The following MACF1 variants were observed in gnomAD, a reference collection of about 807,000 sequenced individuals.
The protein encoded by MACF1 is microtubule-actin cross-linking factor 1.
Under a neutral mutation model 854.8 loss-of-function variants are expected in MACF1, and 193 were observed. That is an observed-to-expected ratio of 0.23 (90% CI 0.20 to 0.25). The LOEUF (loss-of-function observed/expected upper bound fraction) is 0.25, where lower values mean the gene tolerates loss of function less well. Ranked by LOEUF, MACF1 falls within the 10% of genes least tolerant of loss-of-function variation. MACF1 has a pLI of 1.00. For synonymous variants in MACF1, 3,185 were observed against 3,226.7 expected, an observed-to-expected ratio of 0.99 and a Z score of 0.44; for missense variants, 7,722 against 8,929.1, an observed-to-expected ratio of 0.86 and a Z score of 5.45.
chr1:39,120,024 C>T (rs965050604), intron 2 of MACF1, among the ~76,000 whole-genome samples: 1 of 151,912 alleles, frequency 6.6e-6, no homozygotes, highest in African/African-American at 2.4e-5. Flanking sequence ...GCTGGGATTA[C>T]AGACATGCGG....
chr1:39,338,015 C>T (rs1426195940), intron 38 of MACF1, among the ~76,000 whole-genome samples: 1 of 152,072 alleles, frequency 6.6e-6, no homozygotes, highest in Non-Finnish European at 1.5e-5. Flanking sequence ...GTGATCTGCC[C>T]TCCTCGGCCT....
chr1:39,409,635 A>T lies in MACF1; in HGVS notation c.15817-12739A>T, dbSNP rs555734418. On this transcript the variant is annotated intron_variant, in intron 58 of 100. Coordinates refer to ENST00000564288, the MANE Select transcript of MACF1 (RefSeq NM_001394062.1). The surrounding 1 kb of genome is among the most constrained non-coding windows in gnomAD (Gnocchi z 4.2). The stretch of plus-strand genomic sequence containing the variant: ...AACAATGCCATGATGTTTTGGAGAC[A>T]GGAAGCCCCAAGCTGGCCCCGAATG... 1 of 152,296 alleles carries T rather than the reference A, an allele frequency of 6.6e-6. No homozygotes were observed. Among genetic ancestry groups the T allele is most frequent in the Non-Finnish European group, 1.5e-5 (1 of 68,080 alleles). The allele number at this position is 152,296 out of a possible 1,614,324, so 9.4% of individuals were successfully genotyped here. A position where few individuals can be genotyped will look rare whatever the true frequency, so the allele number is the denominator to read the frequency against.
chr1:39,175,553 A>G (rs1644011532), intron 2 of MACF1, among the ~76,000 whole-genome samples: 1 of 152,082 alleles, frequency 6.6e-6, no homozygotes, highest in Non-Finnish European at 1.5e-5. Context: ...TGTACTGTTT[A>G]TTTTTCTCTT....
intron 2 of MACF1, among the ~76,000 whole-genome samples, chr1:39,153,828 A>G (rs1046982555): frequency 6.6e-6 from 1 of 152,216 alleles, no homozygotes; most frequent in African/African-American, 2.4e-5. Flanking sequence ...CCAGCAGACC[A>G]GAAGGACAAG....
At position 39,372,617 on chromosome 1, in the gene MACF1, A is replaced by C. The variant is rs762421300; in HGVS notation, c.13213+21A>C. On this transcript the variant is annotated intron_variant, in intron 52 of 100. Transcript: ENST00000564288. ...GACAGGTGAGTACAGGCTCTTCAAA[A>C]TATAGTGAATAAAAATTGCTCTTTG... 2.7e-6 allele frequency: 4 copies of C among 1,494,428 alleles called. No homozygotes were observed. In the Admixed American group the frequency reaches 6.8e-5, roughly 25 times the overall value. 92.6% of individuals were successfully genotyped at this position (1,494,428 alleles called of 1,614,324 possible). A position where few individuals can be genotyped will look rare whatever the true frequency, so the allele number is the denominator to read the frequency against.
intron 97 of MACF1, among the ~76,000 whole-genome samples, chr1:39,474,757 C>T (rs187793123): frequency 8.1e-4 from 123 of 152,180 alleles, no homozygotes; most frequent in Non-Finnish European, 1.4e-3. Context: ...GTATATACTG[C>T]GCTCCAGCCT....
At chr1:39,144,344 G>C (rs985413718) in intron 2 of MACF1, among the ~76,000 whole-genome samples, 2 of 152,086 alleles carry the variant, frequency 1.3e-5, no homozygotes, top group South Asian at 2.1e-4. Context: ...GCCTCCCAAA[G>C]TGCTGGGATT....
intron 2 of MACF1, among the ~76,000 whole-genome samples, chr1:39,121,726 G>A (rs1460065523): frequency 1.3e-5 from 2 of 152,206 alleles, no homozygotes; most frequent in Non-Finnish European, 2.9e-5. Flanking sequence ...AGGATTATAG[G>A]CGTGAGCCAC....
intron 42 of MACF1, among the ~76,000 whole-genome samples, chr1:39,349,926 T>C (rs763043512): frequency 2.0e-5 from 3 of 152,232 alleles, no homozygotes; most frequent in Non-Finnish European, 4.4e-5. Flanking sequence ...TGAGCCACCA[T>C]GCCTGGTGAT....
At chr1:39,463,547 T>A (rs893673359) in intron 93 of MACF1, 65 bp from the exon 94 acceptor site, 1 of 1,170,406 alleles carries the variant, frequency 8.5e-7, no homozygotes, top group African/African-American at 1.5e-5. Flanking sequence ...ATAAAAATCT[T>A]TGTTTCTCTG....
At chr1:39,413,781 A>AGCT (rs750332167) in intron 58 of MACF1, 3 of 1,610,154 alleles carry the variant, frequency 1.9e-6, no homozygotes, top group Non-Finnish European at 2.5e-6. Context: ...CTGCCTCCCC[A>AGCT]GCTGCTGCAG....
chr1:39,217,897 A>AG (rs1259384787), intron 1 of MACF1, among the ~76,000 whole-genome samples: 1 of 151,032 alleles, frequency 6.6e-6, no homozygotes, highest in East Asian at 1.9e-4. Context: ...AAAAAAAAAA[A>AG]AAGAGGTCGG....
At chr1:39,101,972 C>G (rs1436318217) in intron 2 of MACF1, among the ~76,000 whole-genome samples, 3 of 148,792 alleles carry the variant, frequency 2.0e-5, no homozygotes, top group Non-Finnish European at 3.0e-5. Context: ...GTCAGGAGAT[C>G]GAGACCATCC....
At chr1:39,156,557 TATGGTGAG>T (rs1307000548) in intron 2 of MACF1, among the ~76,000 whole-genome samples, 2 of 152,132 alleles carry the variant, frequency 1.3e-5, no homozygotes, top group Admixed American at 1.3e-4. Flanking sequence ...AGGTCAAGGC[TATGGTGAG>T]CCAAGATTGT....
chr1:39,389,351 GTTTTTTTTTTT>G, intron 58 of MACF1, among the ~76,000 whole-genome samples: 1 of 63,482 alleles, frequency 1.6e-5, no homozygotes, highest in East Asian at 5.3e-4. Flanking sequence ...GTTTTTGTGT[GTTTTTTTTTTT>G]TTTTTTTTTT....
chr1:39,187,899 T>TCTCTCTCTCTCTCTCTCCTCA (rs1644196694), intron 2 of MACF1, among the ~76,000 whole-genome samples: 1 of 145,590 alleles, frequency 6.9e-6, no homozygotes, highest in Non-Finnish European at 1.5e-5. Flanking sequence ...TCTCTCTCTC[T>TCTCTCTCTCTCTCTCTCCTCA]CTCCTCTCTC....
upstream of MACF1, among the ~76,000 whole-genome samples, chr1:39,200,739 C>G (rs756312596): frequency 1.3e-5 from 2 of 151,260 alleles, no homozygotes; most frequent in Non-Finnish European, 2.9e-5. Flanking sequence ...GGCCAGGTCT[C>G]TCCCTGAACT....
At chr1:39,436,007 A>C in intron 70 of MACF1, 1 of 487,380 alleles carries the variant, frequency 2.1e-6, no homozygotes, top group South Asian at 3.5e-5. Flanking sequence ...TTCTCTGAAA[A>C]CTTTATGTTG....
intron 58 of MACF1, among the ~76,000 whole-genome samples, chr1:39,420,104 C>A (rs764398423): frequency 7.2e-5 from 11 of 152,136 alleles, no homozygotes; most frequent in Non-Finnish European, 1.2e-4. Flanking sequence ...GCTAGTGGGT[C>A]TGAGGAACTG....
Sources: allele counts gnomAD v4.1 joint callset (sites outside exome capture counted in the v4.1 genomes callset), GRCh38; gene constraint gnomAD v4.1.1; non-coding constraint Gnocchi (gnomAD v3.1); transcripts MANE v1.5; gene names NCBI Gene and HGNC (gene_info 2026-07-23, HGNC 2026-07-21).